The following HECW1 variants were observed in gnomAD, a reference collection of about 807,000 sequenced individuals.
HECW1 encodes HECT, C2 and WW domain containing E3 ubiquitin protein ligase 1.
A neutral mutation model predicts 182.3 loss-of-function variants in HECW1; 61 were observed. The observed-to-expected ratio is 0.33, with a 90% CI of 0.27 to 0.41. HECW1 has a LOEUF of 0.41. Among genes scored for constraint, HECW1 ranks in the 10% least tolerant of loss-of-function variants. The probability of loss-of-function intolerance (pLI) is 1.00; values close to 1 mark genes in which losing one functional copy is unlikely to be tolerated. For missense variants in HECW1, 1,739 were observed against 2,108.9 expected (o/e 0.82, Z 3.44); for synonymous variants, 859 against 832.6 (o/e 1.03, Z -0.55).
chr7:43,149,482 A>T (rs901012887), intron 2 of HECW1, among the ~76,000 whole-genome samples: 1 of 152,236 alleles, frequency 6.6e-6, no homozygotes, highest in African/African-American at 2.4e-5. Context: ...AGAGGAGAGC[A>T]AGGAGACATA....
chr7:43,423,399 G>A (rs530162332), intron 8 of HECW1, among the ~76,000 whole-genome samples: 2 of 152,306 alleles, frequency 1.3e-5, no homozygotes, highest in South Asian at 2.1e-4. Context: ...TTCTGTTTAC[G>A]TGGGGTGGGA....
At chr7:43,208,978 C>T (rs1795741788) in intron 2 of HECW1, among the ~76,000 whole-genome samples, 1 of 152,198 alleles carries the variant, frequency 6.6e-6, no homozygotes, top group Admixed American at 6.5e-5. Flanking sequence ...GAAGATTTTG[C>T]TTCATTCCTG....
intron 21 of HECW1, among the ~76,000 whole-genome samples, chr7:43,503,898 C>T (rs1419505202): frequency 5.3e-5 from 8 of 152,220 alleles, no homozygotes; most frequent in African/African-American, 1.9e-4. Context: ...ACTTACAGAC[C>T]TGTATTCTAG....
chr7:43,273,086 A>T (rs1382179609), intron 3 of HECW1, among the ~76,000 whole-genome samples: 4 of 152,168 alleles, frequency 2.6e-5, no homozygotes, highest in Admixed American at 2.6e-4. Flanking sequence ...ACCAAATACT[A>T]CATGTTCTTA....
intron 2 of HECW1, among the ~76,000 whole-genome samples, chr7:43,136,161 A>G (rs949328197): frequency 2.0e-5 from 3 of 151,990 alleles, no homozygotes; most frequent in East Asian, 1.9e-4. Flanking sequence ...TCCTGTCTCT[A>G]TGTGGGTTCT....
At chr7:43,492,917 A>G (rs2078983897) in intron 18 of HECW1, among the ~76,000 whole-genome samples, 167 bp from the exon 19 acceptor site, 1 of 152,182 alleles carries the variant, frequency 6.6e-6, no homozygotes, top group Non-Finnish European at 1.5e-5. Flanking sequence ...TAATGTTATT[A>G]TGTCATATTT....
chr7:43,500,916 G>A, intron 20 of HECW1, 134 bp downstream of exon 20: 1 of 745,872 alleles, frequency 1.3e-6, no homozygotes, highest in Non-Finnish European at 2.4e-6. Context: ...TGCAACGCAA[G>A]TGGGACCCCA....
At chr7:43,310,264 A>G (rs1808334699) in intron 3 of HECW1, among the ~76,000 whole-genome samples, 1 of 152,128 alleles carries the variant, frequency 6.6e-6, no homozygotes, top group Admixed American at 6.5e-5. Context: ...AACTGCCCAG[A>G]ATAGCCATGG....
intron 3 of HECW1, among the ~76,000 whole-genome samples, chr7:43,290,478 A>AT (rs1805264188): frequency 6.6e-6 from 1 of 152,132 alleles, no homozygotes; most frequent in South Asian, 2.1e-4. Context: ...AGGTCTTGTG[A>AT]TTTTTAACCT....
In HECW1 at chr7:43,153,063, A is replaced by AT. The variant is rs554241501; in HGVS notation, c.-32+38673dup. Among the ~76,000 whole-genome samples the AT allele has an allele frequency of 4.2e-3, 644 of 152,252 alleles. 2 individuals are homozygous for AT. Among genetic ancestry groups the AT allele is most frequent in the African/African-American group, 0.015 (626 of 41,546 alleles). On this transcript the variant is annotated intron_variant, in intron 2 of 29. Coordinates refer to ENST00000395891, the MANE Select transcript of HECW1 (RefSeq NM_015052.5). ...GCTTTCCCTATATACACCTTCTCTTATGTAGGCTTCTCTCGAGTTCTAGAA... is the reference window on the plus strand; with the variant it reads ...GCTTTCCCTATATACACCTTCTCTTATTGTAGGCTTCTCTCGAGTTCTAGAA...
intron 2 of HECW1, among the ~76,000 whole-genome samples, chr7:43,215,580 C>T (rs904924025): frequency 6.6e-6 from 1 of 152,160 alleles, no homozygotes; most frequent in African/African-American, 2.4e-5. Context: ...ATTATTAATA[C>T]AATATCTATC....
rs1037940960 is a variant in HECW1, at chr7:43,563,800, C to G, written c.*1874C>G. On this transcript the variant is annotated 3_prime_UTR_variant, in exon 30 of 30. Transcript: ENST00000395891. ...AGGAGAATCGCTCAAACCTGAGAAG[C>G]AGAGGTTGCAGTGAGCCAAGACTGT... 2.3e-5 allele frequency: 4 copies of G among 177,452 alleles called. No homozygotes were observed. Among genetic ancestry groups the G allele is most frequent in the African/African-American group, 9.5e-5 (4 of 42,230 alleles). 11.0% of individuals were successfully genotyped at this position (177,452 alleles called of 1,614,324 possible). A position where few individuals can be genotyped will look rare whatever the true frequency, so the allele number is the denominator to read the frequency against.
chr7:43,147,563 T>G (rs1337657963), intron 2 of HECW1: 2 of 152,242 alleles, frequency 1.3e-5, no homozygotes, highest in Non-Finnish European at 2.9e-5. Context: ...TTACATCTAT[T>G]TGTGGACTTT....
chr7:43,128,918 A>G (rs1231819249), intron 2 of HECW1, among the ~76,000 whole-genome samples: 1 of 152,194 alleles, frequency 6.6e-6, no homozygotes, highest in Non-Finnish European at 1.5e-5. Flanking sequence ...TAACAACAGA[A>G]CTAGAATTGG....
intron 2 of HECW1, chr7:43,241,523 C>T (rs1268631642): frequency 1.3e-5 from 2 of 151,924 alleles, no homozygotes; most frequent in African/African-American, 4.8e-5. Flanking sequence ...AAGTGAAATA[C>T]ACCGGTATCC....
intron 24 of HECW1, among the ~76,000 whole-genome samples, chr7:43,533,017 C>T (rs778908840): frequency 3.3e-5 from 5 of 152,172 alleles, no homozygotes; most frequent in Admixed American, 6.5e-5. Flanking sequence ...ACCCTGTGCT[C>T]TATTCCAGTG....
At chr7:43,513,120 G>C (rs1563076162) in intron 24 of HECW1, among the ~76,000 whole-genome samples, 1 of 152,124 alleles carries the variant, frequency 6.6e-6, no homozygotes, top group Non-Finnish European at 1.5e-5. Flanking sequence ...TATTCCACAA[G>C]TCCTACCAGT....
At chr7:43,508,373 A>G (rs2079685799) in intron 23 of HECW1, among the ~76,000 whole-genome samples, 1 of 152,226 alleles carries the variant, frequency 6.6e-6, no homozygotes, top group Non-Finnish European at 1.5e-5. Context: ...ATACAGTCCC[A>G]GGGCACTGAA....
At chr7:43,361,040 T>TA in intron 6 of HECW1, 60 bp downstream of exon 6, 1 of 1,243,856 alleles carries the variant, frequency 8.0e-7, no homozygotes, top group Non-Finnish European at 1.1e-6. Context: ...CACTTTCCTA[T>TA]TTTGTTCTTG....
Sources: allele counts gnomAD v4.1 joint callset (sites outside exome capture counted in the v4.1 genomes callset), GRCh38; gene constraint gnomAD v4.1.1; transcripts MANE v1.5; gene names NCBI Gene and HGNC (gene_info 2026-07-23, HGNC 2026-07-21).